Variants in ARHGEF2 observed in about 807,000 individuals in gnomAD.
ARHGEF2 encodes Rho/Rac guanine nucleotide exchange factor 2, also known as rho guanine nucleotide exchange factor 2.
ARHGEF2 carries 22 observed loss-of-function variants against 121.0 expected under a neutral mutation model. The ratio of observed to expected loss-of-function variants is 0.18; its 90% CI spans 0.13 to 0.26. The LOEUF is 0.26. Ranked by LOEUF, ARHGEF2 falls within the 10% of genes least tolerant of loss-of-function variation. ARHGEF2 has a pLI of 1.00. For missense variants in ARHGEF2, 907 were observed against 1,336.0 expected, an observed-to-expected ratio of 0.68 and a Z score of 5.01; for synonymous variants, 487 against 530.0, an observed-to-expected ratio of 0.92 and a Z score of 1.11.
chr1:155,966,299 T>A (rs1297039910), intron 4 of ARHGEF2, 117 bp downstream of exon 4: 9 of 1,008,522 alleles, frequency 8.9e-6, no homozygotes, highest in Non-Finnish European at 1.1e-5. Flanking sequence ...CTGCTTCCAA[T>A]CAAGAAGAGG....
chr1:155,955,050 C>A, intron 13 of ARHGEF2, 81 bp from the exon 14 acceptor site: 2 of 1,176,822 alleles, frequency 1.7e-6, no homozygotes, highest in South Asian at 1.3e-5. Flanking sequence ...CCTTCCCAAA[C>A]ATGCCTTATG....
chr1:155,964,154 A>AC (rs1678609519), intron 7 of ARHGEF2, among the ~76,000 whole-genome samples: 1 of 30,686 alleles, frequency 3.3e-5, no homozygotes, highest in African/African-American at 9.7e-5. Context: ...CAAAAAAAAA[A>AC]AAAAAAAAAA....
intron 11 of ARHGEF2, among the ~76,000 whole-genome samples, chr1:155,959,397 G>C (rs955645765): frequency 6.6e-6 from 1 of 151,642 alleles, no homozygotes. Flanking sequence ...TAAGGAGCAC[G>C]CCACAACACC....
intron 13 of ARHGEF2, 86 bp from the exon 14 acceptor site, chr1:155,955,055 CT>C: frequency 9.2e-7 from 1 of 1,091,016 alleles, no homozygotes; most frequent in Non-Finnish European, 1.4e-6. Flanking sequence ...CCAAACATGC[CT>C]TATGCTTCCA....
intron 13 of ARHGEF2, among the ~76,000 whole-genome samples, chr1:155,956,684 G>A (rs1237142618): frequency 6.6e-6 from 1 of 151,652 alleles, no homozygotes; most frequent in Non-Finnish European, 1.5e-5. Flanking sequence ...TTGGCTGGGT[G>A]CAGTGGCTCA....
intron 11 of ARHGEF2, among the ~76,000 whole-genome samples, chr1:155,959,851 G>T (rs1232087971): frequency 6.6e-6 from 1 of 152,138 alleles, no homozygotes; most frequent in Non-Finnish European, 1.5e-5. Flanking sequence ...GCCCAGCCTG[G>T]ACCACATTTT....
At chr1:155,978,619 A>AGGCGGAGCGGAGGGAG, upstream of ARHGEF2, 6 of 1,242,160 alleles carry the variant, frequency 4.8e-6, no homozygotes, top group Non-Finnish European at 6.1e-6. The surrounding 1 kb of genome is among the most constrained non-coding windows in gnomAD (Gnocchi z 4.1). Flanking sequence ...GGAAGGGGGT[A>AGGCGGAGCGGAGGGAG]GGCGGAGCGG....
chr1:155,950,272 T>C lies in ARHGEF2; in HGVS notation c.2887+27A>G, dbSNP rs1007380635. On this transcript the variant is annotated intron_variant, in intron 21 of 21. Coordinates refer to ENST00000361247, the MANE Select transcript of ARHGEF2 (RefSeq NM_001162383.2). This position sits in a 1 kb window ranked among gnomAD's most constrained non-coding sequence, Gnocchi z 5.2. The stretch of plus-strand genomic sequence containing the variant: ...CTGTACCCAGGCTGCACTCTACCTC[T>C]GGTCCATGTCTCCGCCAGGGTCTCA... The C allele has an allele frequency of 5.6e-6, 9 of 1,608,652 alleles. No individual in the cohort carries two copies. The African/African-American group carries it at 1.1e-4, about 19-fold the overall frequency.
In ARHGEF2 at chr1:155,978,350, G is replaced by A; in HGVS notation, c.63+15C>T. 6.6e-7 allele frequency: 1 copy of A among 1,507,888 alleles called. No homozygotes were observed. Among genetic ancestry groups the A allele is most frequent in the Non-Finnish European group, 9.0e-7 (1 of 1,116,922 alleles). The allele number at this position is 1,507,888 out of a possible 1,614,324, so 93.4% of individuals were successfully genotyped here. On this transcript the variant is annotated intron_variant, in intron 1 of 21. Transcript: ENST00000361247. The surrounding 1 kb of genome is among the most constrained non-coding windows in gnomAD (Gnocchi z 4.1). ...CCGAGGACCGCGGCGAAAGGAGAGGGGTTTCCGAGCCCACCTTGCTCGCCA... is the reference window on the plus strand; with the variant it reads ...CCGAGGACCGCGGCGAAAGGAGAGGAGTTTCCGAGCCCACCTTGCTCGCCA...
chr1:155,975,007 TAAAC>T (rs1191739269), intron 1 of ARHGEF2, among the ~76,000 whole-genome samples: 1 of 103,118 alleles, frequency 9.7e-6, no homozygotes, highest in African/African-American at 3.8e-5. Flanking sequence ...CAAAGAGACA[TAAAC>T]AAACCCGGAA....
rs1159628825 is a variant in ARHGEF2, at chr1:155,965,797, C to T, written c.341-37G>A. 6.4e-7 allele frequency: 1 copy of T among 1,566,344 alleles called. No individual in the cohort carries two copies. Among genetic ancestry groups the T allele is most frequent in the African/African-American group, 1.4e-5 (1 of 72,788 alleles). Reference sequence around the variant, plus strand: ...AGATGCCCAGCAGGCAAACATCAGACTCTGGTGCTTCCCAGGATTGAGGCC... The same window carrying T: ...AGATGCCCAGCAGGCAAACATCAGATTCTGGTGCTTCCCAGGATTGAGGCC... On this transcript the variant is annotated intron_variant, in intron 4 of 21. Coordinates refer to ENST00000361247, the MANE Select transcript of ARHGEF2 (RefSeq NM_001162383.2). This position sits in a 1 kb window ranked among gnomAD's most constrained non-coding sequence, Gnocchi z 6.0.
intron 1 of ARHGEF2, among the ~76,000 whole-genome samples, chr1:155,977,449 A>AC (rs796402051): frequency 1.8e-4 from 28 of 152,118 alleles, no homozygotes; most frequent in African/African-American, 6.7e-4. Flanking sequence ...ATAATTATAC[A>AC]CCCAGACTCA....
At chr1:155,963,962 T>A in intron 7 of ARHGEF2, among the ~76,000 whole-genome samples, 1 of 150,124 alleles carries the variant, frequency 6.7e-6, no homozygotes, top group Non-Finnish European at 1.5e-5. Context: ...TTGGCCAACA[T>A]GATGAAACCC....
At chr1:155,979,277 C>T (rs771617292), upstream of ARHGEF2, 3 of 985,434 alleles carry the variant, frequency 3.0e-6, no homozygotes, top group Non-Finnish European at 3.6e-6. Flanking sequence ...TTACCGAAGG[C>T]CTTCCATGTG....
At chr1:155,954,818 A>C in intron 14 of ARHGEF2, 84 bp downstream of exon 14, 54 of 1,171,102 alleles carry the variant, frequency 4.6e-5, no homozygotes, top group Non-Finnish European at 5.6e-5. Flanking sequence ...TCATAGAGCC[A>C]TCTCATCTTT....
rs1306408424 is a variant in ARHGEF2 at position 155,961,296 on chromosome 1, A to G, written c.1468+365T>C. On this transcript the variant is annotated intron_variant, in intron 11 of 21. Coordinates refer to ENST00000361247, the MANE Select transcript of ARHGEF2 (RefSeq NM_001162383.2). This position sits in a 1 kb window ranked among gnomAD's most constrained non-coding sequence, Gnocchi z 4.7. ...ATTCTTTTTTTTTTTTTTTTTTGAG[A>G]TGGAGTCTTGCTGTGTCACCCAGGC... is the stretch of plus-strand genomic sequence containing the variant. 7.4e-6 allele frequency among the ~76,000 whole-genome samples: 1 copy of G among 135,370 alleles called. No individual in the cohort carries two copies. Among genetic ancestry groups the G allele is most frequent in the Non-Finnish European group, 1.5e-5 (1 of 64,568 alleles). The allele number at this position is 135,370 out of a possible 152,430, so 88.8% of individuals were successfully genotyped here. A position where few individuals can be genotyped will look rare whatever the true frequency, so the allele number is the denominator to read the frequency against.
rs1160070713 is a variant in ARHGEF2, at chr1:155,952,805, C to T, written c.1807G>A (p.Ala603Thr). Residue 603 changes from alanine to threonine, a missense_variant, in exon 15 of 22, where the codon GCA (alanine) becomes ACA (threonine). Ala to Thr is a moderately conservative substitution (Grantham distance 58, BLOSUM62 0). This residue lies in a region of ARHGEF2 where 432 missense variants were observed against 559.5 expected (regional missense o/e 0.77). Coordinates refer to ENST00000361247, the MANE Select transcript of ARHGEF2 (RefSeq NM_001162383.2). ...IKMELQQKDR[A>T]LVELLREKVG... ...TTCTCTCGCAGCAGCTCCACCAGTG[C>T]CCGGTCCTTCTGCTGCAACTCCACT... 1.9e-6 allele frequency: 3 copies of T among 1,614,176 alleles called. No individual in the cohort carries two copies. The South Asian group carries it at 3.3e-5, about 18-fold the overall frequency.
chr1:155,978,336 G>A lies in ARHGEF2; in HGVS notation c.63+29C>T. On this transcript the variant is annotated intron_variant, in intron 1 of 21. Transcript: ENST00000361247. The surrounding 1 kb of genome is among the most constrained non-coding windows in gnomAD (Gnocchi z 4.1). ...GGTTCGGGGAGCACCCGAGGACCGC[G>A]GCGAAAGGAGAGGGGTTTCCGAGCC... The A allele has an allele frequency of 6.7e-7, 1 of 1,494,448 alleles. No individual in the cohort carries two copies. Among genetic ancestry groups the A allele is most frequent in the Non-Finnish European group, 9.0e-7 (1 of 1,108,166 alleles). 92.6% of individuals were successfully genotyped at this position (1,494,448 alleles called of 1,614,324 possible). A position where few individuals can be genotyped will look rare whatever the true frequency, so the allele number is the denominator to read the frequency against.
In ARHGEF2 at chr1:155,978,474, C is replaced by A; in HGVS notation, c.-47G>T. 1 of 1,420,810 alleles carries A rather than the reference C, an allele frequency of 7.0e-7. No individual in the cohort carries two copies. Among genetic ancestry groups the A allele is most frequent in the Admixed American group, 2.6e-5 (1 of 38,932 alleles). The allele number at this position is 1,420,810 out of a possible 1,614,324, so 88.0% of individuals were successfully genotyped here. Reference sequence around the variant, plus strand: ...AGGACGCGGCGCGGACCCCGGCGTCCTGTATTGTTGGGGGAAGGCGGGGGG... The same window carrying A: ...AGGACGCGGCGCGGACCCCGGCGTCATGTATTGTTGGGGGAAGGCGGGGGG... On this transcript the variant is annotated 5_prime_UTR_variant, in exon 1 of 22. It adds an upstream start codon to the 5' untranslated region. Transcript: ENST00000361247. This position sits in a 1 kb window ranked among gnomAD's most constrained non-coding sequence, Gnocchi z 4.1.
Sources: gnomAD v4.1 joint callset for allele counts (sites outside exome capture counted in the v4.1 genomes callset) on GRCh38, gnomAD v4.1.1 for gene constraint, gnomAD v4.1.1 regional missense constraint, Gnocchi (gnomAD v3.1) non-coding constraint, MANE v1.5 for transcripts, NCBI Gene and HGNC (gene_info 2026-07-23, HGNC 2026-07-21) for gene names.